The following PCDHA13 variants were observed in gnomAD, a reference collection of about 807,000 sequenced individuals.
PCDHA13 encodes the protein protocadherin alpha 13.
PCDHA13 carries 54 observed loss-of-function variants against 64.8 expected under a neutral mutation model. The ratio of observed to expected loss-of-function variants is 0.83; its 90% CI spans 0.67 to 1.04. The LOEUF (loss-of-function observed/expected upper bound fraction) is 1.04, where lower values mean the gene tolerates loss of function less well. Ranked by LOEUF, PCDHA13 falls within the 50% of genes least tolerant of loss-of-function variation. The pLI is 0.00. For missense variants in PCDHA13, 1,248 were observed against 1,254.3 expected, an observed-to-expected ratio of 0.99 and a Z score of 0.08; for synonymous variants, 587 against 564.4, an observed-to-expected ratio of 1.04 and a Z score of -0.57.
chr5:140,965,857 A>G (rs1563345275), intron 1 of PCDHA13, among the ~76,000 whole-genome samples: 1 of 152,220 alleles, frequency 6.6e-6, no homozygotes, highest in South Asian at 2.1e-4. Context: ...GCACACACTG[A>G]AAATAAGGGC....
intron 1 of PCDHA13, among the ~76,000 whole-genome samples, chr5:140,888,250 G>A (rs2061753546): frequency 6.6e-6 from 1 of 152,128 alleles, no homozygotes; most frequent in African/African-American, 2.4e-5. Flanking sequence ...CTTTAAAGCA[G>A]TAGTTCTTGA....
intron 1 of PCDHA13, among the ~76,000 whole-genome samples, chr5:140,913,431 C>G (rs1554195920): frequency 6.6e-6 from 1 of 152,036 alleles, no homozygotes; most frequent in African/African-American, 2.4e-5. Flanking sequence ...AGTTGTAATG[C>G]CTCCTTTTTC....
At chr5:140,947,642 C>T (rs62384502) in intron 1 of PCDHA13, among the ~76,000 whole-genome samples, 2 of 151,520 alleles carry the variant, frequency 1.3e-5, no homozygotes, top group East Asian at 1.9e-4. Context: ...ATCGTATGAA[C>T]ATATATACCT....
chr5:140,887,081 T>C (rs2061290342), intron 1 of PCDHA13, among the ~76,000 whole-genome samples: 1 of 152,076 alleles, frequency 6.6e-6, no homozygotes, highest in Non-Finnish European at 1.5e-5. Context: ...TCAGCTTTTG[T>C]CTGAGAAATA....
intron 1 of PCDHA13, among the ~76,000 whole-genome samples, chr5:140,899,683 T>A (rs1554188699): frequency 6.6e-6 from 1 of 152,222 alleles, no homozygotes; most frequent in African/African-American, 2.4e-5. Flanking sequence ...ATCAGGATGA[T>A]GCTGGCCTCA....
chr5:140,916,747 G>A (rs1445361224), intron 1 of PCDHA13, among the ~76,000 whole-genome samples: 1 of 152,220 alleles, frequency 6.6e-6, no homozygotes, highest in Non-Finnish European at 1.5e-5. Context: ...TTCACTGCCT[G>A]GGATTAGGGG....
At chr5:140,926,620 C>G in intron 1 of PCDHA13, 1 of 385,534 alleles carries the variant, frequency 2.6e-6, no homozygotes, top group Admixed American at 4.4e-5. Context: ...CACCCCTAGG[C>G]GGCGCTGCGC....
At chr5:140,951,326 T>C (rs2094571744) in intron 1 of PCDHA13, among the ~76,000 whole-genome samples, 1 of 152,158 alleles carries the variant, frequency 6.6e-6, no homozygotes, top group Admixed American at 6.5e-5. Context: ...TTGAGATTCA[T>C]CATTCTGTTT....
intron 1 of PCDHA13, chr5:140,968,323 C>T (rs1554230616): frequency 1.2e-6 from 2 of 1,614,114 alleles, no homozygotes; most frequent in East Asian, 2.2e-5. Flanking sequence ...TGCCAGTCAC[C>T]TCCTATGTCT....
At position 140,882,956 on chromosome 5, in the gene PCDHA13, A is replaced by G; in HGVS notation, c.688A>G (p.Ile230Val). The stretch of plus-strand genomic sequence containing the variant: ...GCTGACTGGCACAGTTCAGCTGCTC[A>G]TCACGATTCTGGACGTGAATGACAA... ...PELTGTVQLL[I>V]TILDVNDNAP... Residue 230 changes from isoleucine (I) to valine (V), a missense_variant, in exon 1 of 4, where the codon ATC (isoleucine) becomes GTC (valine). Physicochemically the swap from Ile to Val is conservative, Grantham distance 29. Coordinates refer to ENST00000289272, the MANE Select transcript of PCDHA13 (RefSeq NM_018904.3). The G allele has an allele frequency of 6.2e-7, 1 of 1,614,228 alleles. No individual in the cohort carries two copies. The highest frequency in any genetic ancestry group is 8.5e-7 in the Non-Finnish European group (1 of 1,180,044).
At position 140,937,762 on chromosome 5, in the gene PCDHA13, A is replaced by T. The variant is rs955142751; in HGVS notation, c.2395-41187A>T. Among the ~76,000 whole-genome samples, 6 of 151,868 alleles carry T rather than the reference A, an allele frequency of 4.0e-5. No individual in the cohort carries two copies. The South Asian group carries it at 6.2e-4, about 16-fold the overall frequency. On this transcript the variant is annotated intron_variant, in intron 1 of 3. Coordinates refer to ENST00000289272, the MANE Select transcript of PCDHA13 (RefSeq NM_018904.3). ...CCCGTCTCTACTAAAAATACAAAAA[A>T]TTAGTCGGGCGTGGTGGCGGGCGTA... is the stretch of plus-strand genomic sequence containing the variant.
At chr5:140,913,523 T>G (rs2076374733) in intron 1 of PCDHA13, among the ~76,000 whole-genome samples, 2 of 152,156 alleles carry the variant, frequency 1.3e-5, no homozygotes, top group Admixed American at 6.5e-5. Context: ...TATTTATCTT[T>G]TCAAAAGATT....
At chr5:140,997,142 G>A (rs1038632915) in intron 3 of PCDHA13, among the ~76,000 whole-genome samples, 40 of 151,426 alleles carry the variant, frequency 2.6e-4, no homozygotes, top group African/African-American at 2.7e-4. Flanking sequence ...CCACACCCCC[G>A]CCACAGTGAC....
rs782463268 is a variant in PCDHA13, at chr5:140,941,198, TCTTCCTTTCTTTCTTC to T, written c.2395-37747_2395-37732del. On this transcript the variant is annotated intron_variant, in intron 1 of 3. Transcript: ENST00000289272. ...AACATCCTGCTTCTTTTTTTTTCTTTCTTCCTTTCTTTCTTCCTTTCTTTCTTTCTTTCTTTCTTTC... is the reference window on the plus strand; with the variant it reads ...AACATCCTGCTTCTTTTTTTTTCTTTCTTTCTTTCTTTCTTTCTTTCTTTC... 2.9e-3 allele frequency among the ~76,000 whole-genome samples: 353 copies of T among 119,898 alleles called. 1 individual carries two copies. Among genetic ancestry groups the T allele is most frequent in the African/African-American group, 8.8e-3 (254 of 28,982 alleles). The allele number at this position is 119,898 out of a possible 152,430, so 78.7% of individuals were successfully genotyped here.
At chr5:140,895,137 G>A (rs1184479322) in intron 1 of PCDHA13, among the ~76,000 whole-genome samples, 2 of 152,072 alleles carry the variant, frequency 1.3e-5, no homozygotes, top group Non-Finnish European at 2.9e-5. Context: ...CAAGTTCATA[G>A]GGCTAAGACA....
chr5:140,927,614 A>G (rs1554204810), intron 1 of PCDHA13: 10 of 1,614,204 alleles, frequency 6.2e-6, no homozygotes, highest in South Asian at 1.1e-5. Flanking sequence ...TACCGCACCA[A>G]GGTTCCAGAG....
chr5:140,926,303 C>G (rs1248613470), intron 1 of PCDHA13: 1 of 152,328 alleles, frequency 6.6e-6, no homozygotes, highest in African/African-American at 2.4e-5. Flanking sequence ...CCCGCCCTCT[C>G]CGCCGGAGAG....
At chr5:140,897,298 G>A (rs1372345306) in intron 1 of PCDHA13, among the ~76,000 whole-genome samples, 18 of 150,818 alleles carry the variant, frequency 1.2e-4, no homozygotes, top group Non-Finnish European at 1.8e-4. Flanking sequence ...TCGTCATTTA[G>A]CATTAGGTAT....
At chr5:140,997,656 T>G (rs2153947694) in intron 3 of PCDHA13, among the ~76,000 whole-genome samples, 1 of 149,610 alleles carries the variant, frequency 6.7e-6, no homozygotes. Flanking sequence ...GCAATATGTA[T>G]TATTATACAG....
Sources: gnomAD v4.1 joint callset for allele counts (sites outside exome capture counted in the v4.1 genomes callset) on GRCh38, gnomAD v4.1.1 for gene constraint, MANE v1.5 for transcripts, NCBI Gene and HGNC (gene_info 2026-07-23, HGNC 2026-07-21) for gene names.